Variants in PLRG1 observed in about 807,000 individuals in gnomAD.
PLRG1 encodes the protein pleiotropic regulator 1.
A neutral mutation model predicts 74.9 loss-of-function variants in PLRG1; 28 were observed. That is an observed-to-expected ratio of 0.37 (90% confidence interval 0.28 to 0.51). The LOEUF is 0.51. Among genes scored for constraint, PLRG1 ranks in the 20% least tolerant of loss-of-function variants. PLRG1 has a pLI of 0.91. For synonymous variants in PLRG1, 197 were observed against 212.4 expected (o/e 0.93, Z 0.63); for missense variants, 445 against 631.9 (o/e 0.70, Z 3.17).
chr4:154,540,190 G>A, intron 10 of PLRG1, 137 bp from the exon 11 acceptor site: 1 of 612,146 alleles, frequency 1.6e-6, no homozygotes, highest in East Asian at 2.7e-5. Context: ...TTAAGTGAAA[G>A]ATAATGATTT....
rs549221242 is a variant in PLRG1, at chr4:154,535,680, C to T, written c.*1005G>A. On this transcript the variant is annotated 3_prime_UTR_variant, in exon 15 of 15. Transcript: ENST00000499023. ...GGATCCCAGGGCAGGATTTATAAAA[C>T]TTGTATTTACCAAAAAGAGGCATCA... is the stretch of plus-strand genomic sequence containing the variant. 6.6e-6 allele frequency: 1 copy of T among 152,086 alleles called. No homozygotes were observed. Among genetic ancestry groups the T allele is most frequent in the Admixed American group, 6.6e-5 (1 of 15,250 alleles). 9.4% of individuals were successfully genotyped at this position (152,086 alleles called of 1,614,324 possible).
chr4:154,546,948 G>T, intron 4 of PLRG1, 63 bp downstream of exon 4: 3 of 1,174,516 alleles, frequency 2.6e-6, no homozygotes, highest in Non-Finnish European at 3.8e-6. Context: ...CTCATTATTG[G>T]CTCGTTAGTG....
intron 4 of PLRG1, 75 bp downstream of exon 4, chr4:154,546,936 A>G (rs1729666750): frequency 9.2e-7 from 1 of 1,086,264 alleles, no homozygotes; most frequent in South Asian, 1.3e-5. Context: ...GGCAACAAGA[A>G]TCTCATTATT....
At position 154,537,439 on chromosome 4, in the gene PLRG1, G is replaced by C. The variant is rs755381704; in HGVS notation, c.1332C>G (p.Gly444=). The C allele has an allele frequency of 6.2e-7, 1 of 1,613,316 alleles. No homozygotes were observed. Among genetic ancestry groups the C allele is most frequent in the Non-Finnish European group, 8.5e-7 (1 of 1,179,474 alleles). ...CTGCGTGAACTCTCTGAAAATTGTA[G>C]CCAGTTCTCCAGTCCCAAAGATGCA... The part of the protein sequence containing the change: ...GTMHLWDWRT[G]YNFQRVHAAV... The change falls in exon 14 of 15, where the codon GGC becomes GGG. Residue 444 remains glycine, a synonymous_variant. Transcript: ENST00000499023.
intron 4 of PLRG1, chr4:154,546,758 T>C (rs748387722): frequency 1.8e-5 from 9 of 512,864 alleles, no homozygotes; most frequent in African/African-American, 3.8e-5. Context: ...CACCAGATAA[T>C]AAATAACTAG....
At chr4:154,546,047 T>C (rs763125519) in intron 5 of PLRG1, 76 bp downstream of exon 5, 19 of 1,109,320 alleles carry the variant, frequency 1.7e-5, no homozygotes, top group Middle Eastern at 2.0e-4. Flanking sequence ...ATAATAGTTA[T>C]AAAGAAATTT....
In PLRG1 at chr4:154,548,937, T is replaced by C. The variant is rs1237772889; in HGVS notation, c.10-2A>G. On this transcript the variant is annotated splice_acceptor_variant, in intron 1 of 14. Transcript: ENST00000499023. LOFTEE classifies it high-confidence loss of function. ...GTGTACAGAATGTTTCTGTACCTCC[T>C]AAAAAAAAAGAATGTAATTACACAC... The C allele has an allele frequency of 4.0e-6, 6 of 1,513,260 alleles. No individual in the cohort carries two copies. In the African/African-American group the frequency reaches 8.3e-5, roughly 21 times the overall value. The allele number at this position is 1,513,260 out of a possible 1,614,324, so 93.7% of individuals were successfully genotyped here.
rs1235220510 is a variant in PLRG1 at position 154,546,806 on chromosome 4, A to G, written c.313+205T>C. The G allele has an allele frequency of 8.8e-6, 5 of 571,198 alleles. No homozygotes were observed. In the African/African-American group the frequency reaches 9.4e-5, roughly 11 times the overall value. 35.4% of individuals were successfully genotyped at this position (571,198 alleles called of 1,614,324 possible). Reference sequence around the variant, plus strand: ...TTTACTGTCTTTGAATTCCTAGCACATTGCCTGAAAAATTATACGTACTTA... The same window carrying G: ...TTTACTGTCTTTGAATTCCTAGCACGTTGCCTGAAAAATTATACGTACTTA... On this transcript the variant is annotated intron_variant, in intron 4 of 14. Coordinates refer to ENST00000499023, the MANE Select transcript of PLRG1 (RefSeq NM_002669.4).
intron 14 of PLRG1, 22 bp downstream of exon 14, chr4:154,537,264 G>A (rs749951589): frequency 3.8e-5 from 59 of 1,536,496 alleles, no homozygotes; most frequent in East Asian, 1.6e-4. Context: ...TTTACTTAAC[G>A]AATGTGAAAC....
intron 12 of PLRG1, 61 bp from the exon 13 acceptor site, chr4:154,538,169 T>G: frequency 1.2e-6 from 1 of 852,722 alleles, no homozygotes; most frequent in Non-Finnish European, 1.8e-6. Flanking sequence ...AGTGGTGGGT[T>G]TTAAAAAGTT....
Position 154,535,927 on chromosome 4 carries a change from C to T in PLRG1, c.*758G>A, listed in dbSNP as rs1228708533. The T allele has an allele frequency of 6.6e-6, 1 of 152,158 alleles. No homozygotes were observed. The highest frequency in any genetic ancestry group is 6.6e-5 in the Admixed American group (1 of 15,232). The allele number at this position is 152,158 out of a possible 1,614,324, so 9.4% of individuals were successfully genotyped here. On this transcript the variant is annotated 3_prime_UTR_variant, in exon 15 of 15. Coordinates refer to ENST00000499023, the MANE Select transcript of PLRG1 (RefSeq NM_002669.4). ...CGACAGTAGCAGAACATTCTTTGTC[C>T]CAGAACACACCGCACACTTTCTTGT...
chr4:154,546,942 T>C (rs1416048820), intron 4 of PLRG1, 69 bp downstream of exon 4: 3 of 1,141,920 alleles, frequency 2.6e-6, no homozygotes, highest in African/African-American at 1.5e-5. Context: ...AAGAATCTCA[T>C]TATTGGCTCG....
chr4:154,541,958 G>A, intron 8 of PLRG1: 1 of 495,086 alleles, frequency 2.0e-6, no homozygotes. Flanking sequence ...AAGTATAAAG[G>A]AATTAGTGGT....
At position 154,547,678 on chromosome 4, in the gene PLRG1, T is replaced by C. The variant is rs564045613; in HGVS notation, c.259+33A>G. 32 of 1,589,128 alleles carry C rather than the reference T, an allele frequency of 2.0e-5. No homozygotes were observed. In the South Asian group the frequency reaches 3.6e-4, roughly 18 times the overall value. ...TTTTTCTGTTTTTAAAATTCACATATAAGTCTGACATTTCTGATAATACCA... is the reference window on the plus strand; with the variant it reads ...TTTTTCTGTTTTTAAAATTCACATACAAGTCTGACATTTCTGATAATACCA... On this transcript the variant is annotated intron_variant, in intron 3 of 14. Coordinates refer to ENST00000499023, the MANE Select transcript of PLRG1 (RefSeq NM_002669.4).
In PLRG1 at chr4:154,539,942, C is replaced by T. The variant is rs1245092481; in HGVS notation, c.1042+9G>A. The T allele has an allele frequency of 6.2e-6, 8 of 1,282,496 alleles. No individual in the cohort carries two copies. The highest frequency in any genetic ancestry group is 1.7e-5 in the Admixed American group (1 of 59,500). The allele number at this position is 1,282,496 out of a possible 1,614,324, so 79.4% of individuals were successfully genotyped here. ...AATATTCTGTAAACTTGAAAAGTAT[C>T]GATCATACCTGTAATAATTTGTGGT... On this transcript the variant is annotated intron_variant, in intron 11 of 14. Coordinates refer to ENST00000499023, the MANE Select transcript of PLRG1 (RefSeq NM_002669.4).
At chr4:154,545,979 T>G in intron 5 of PLRG1, 56 bp from the exon 6 acceptor site, 1 of 1,210,632 alleles carries the variant, frequency 8.3e-7, no homozygotes, top group Non-Finnish European at 1.2e-6. Context: ...TCATGTATTC[T>G]GCAAAACTAA....
Position 154,537,303 on chromosome 4 carries a change from T to A in PLRG1, c.1468A>T (p.Arg490Ter). Residue 490 changes from arginine (R) to a stop codon, truncating the protein, a stop_gained, in exon 14 of 15, where the codon AGA becomes TGA. Transcript: ENST00000499023. LOFTEE classifies it high-confidence loss of function. ...AEADKTIKVY[R>*]EDDTATEETH... is the part of the protein sequence containing the mutation. ...GAACTTACGGCTGTGTCATCCTCTC[T>A]GTATACTTTAATGGTTTTATCAGCT... 6.2e-7 allele frequency: 1 copy of A among 1,612,142 alleles called. No individual in the cohort carries two copies. Among genetic ancestry groups the A allele is most frequent in the Non-Finnish European group, 8.5e-7 (1 of 1,178,574 alleles).
In PLRG1 at chr4:154,540,898, A is replaced by G; in HGVS notation, c.724T>C (p.Leu242=). Residue 242 remains leucine, a synonymous_variant, in exon 9 of 15, where the codon TTG becomes CTG. Transcript: ENST00000499023. ...CGCACAGTACTAATATGCCCAGTCA[A>G]TGACAGTTTTAATTTGCCACTAGCC... The part of the protein sequence containing the change: ...DLASGKLKLS[L]TGHISTVRGV... 6.2e-7 allele frequency: 1 copy of G among 1,610,476 alleles called. No individual in the cohort carries two copies. The highest frequency in any genetic ancestry group is 1.3e-5 in the African/African-American group (1 of 74,938).
intron 7 of PLRG1, 138 bp from the exon 8 acceptor site, chr4:154,542,417 A>T (rs988385867): frequency 1.6e-6 from 1 of 616,006 alleles, no homozygotes; most frequent in Non-Finnish European, 3.0e-6. Context: ...CAATAATATG[A>T]AATTATCTTC....
Sources: gnomAD v4.1 joint callset for allele counts on GRCh38, gnomAD v4.1.1 for gene constraint, MANE v1.5 for transcripts, NCBI Gene and HGNC (gene_info 2026-07-23, HGNC 2026-07-21) for gene names.